DACT1: variants seen among roughly 807,000 people sequenced by gnomAD.
DACT1 encodes dapper homolog 1.
DACT1 carries 19 observed loss-of-function variants against 35.3 expected under a neutral mutation model. The ratio of observed to expected loss-of-function variants is 0.54; its 90% CI spans 0.38 to 0.79. The LOEUF (loss-of-function observed/expected upper bound fraction) is 0.79. Ranked by LOEUF, DACT1 falls within the 30% of genes least tolerant of loss-of-function variation. The probability of loss-of-function intolerance (pLI) is 0.00; values close to 1 mark genes in which losing one functional copy is unlikely to be tolerated. For missense variants in DACT1, 1,143 were observed against 1,057.5 expected (o/e 1.08, Z -1.12); for synonymous variants, 545 against 466.7 (o/e 1.17, Z -2.16).
upstream of DACT1, among the ~76,000 whole-genome samples, chr14:58,636,342 G>C (rs2047572354): frequency 6.6e-6 from 1 of 152,208 alleles, no homozygotes; most frequent in Admixed American, 6.5e-5. Context: ...ACATTCTCGA[G>C]TCTCTCTCTA....
chr14:58,642,553 G>T (rs1251801249), intron 3 of DACT1, among the ~76,000 whole-genome samples: 2 of 151,640 alleles, frequency 1.3e-5, no homozygotes, highest in African/African-American at 4.8e-5. Context: ...AATCGGCCGG[G>T]TGTGGCAGCA....
chr14:58,639,127 C>T (rs2047604365), intron 1 of DACT1: 1 of 985,192 alleles, frequency 1.0e-6, no homozygotes, highest in Admixed American at 6.2e-5. Flanking sequence ...AAATAGAAGC[C>T]CTTTGTATAA....
rs764739318 is a variant in DACT1, at chr14:58,646,738, C to T, written c.2004C>T (p.Tyr668=). 1.2e-6 allele frequency: 2 copies of T among 1,613,830 alleles called. No homozygotes were observed. The highest frequency in any genetic ancestry group is 1.7e-5 in the Admixed American group (1 of 60,018). Residue 668 remains tyrosine, a synonymous_variant, in exon 4 of 4, where the codon TAC becomes TAT. Coordinates refer to ENST00000395153, the MANE Select transcript of DACT1 (RefSeq NM_001079520.2). The stretch of plus-strand genomic sequence containing the variant: ...GTCGCCGGGAGAATGTGGGGCTGTA[C>T]CCCGCGCCTGTGCCTCTGCCCTACG... ...RRGRRENVGL[Y]PAPVPLPYAS...
At position 58,647,107 on chromosome 14, in the gene DACT1, C is replaced by G; in HGVS notation, c.2373C>G (p.Gly791=). 1 of 1,614,106 alleles carries G rather than the reference C, an allele frequency of 6.2e-7. No homozygotes were observed. The highest frequency in any genetic ancestry group is 8.5e-7 in the Non-Finnish European group (1 of 1,180,034). The stretch of plus-strand genomic sequence containing the variant: ...AGAAGATCCTCCGCTTTCGGTCTGG[C>G]TCTTTGAAACTGATGACGACGGTTT... ...LKKKILRFRS[G]SLKLMTTV The change falls in exon 4 of 4, where the codon GGC becomes GGG. Residue 791 remains glycine, a synonymous_variant. Coordinates refer to ENST00000395153, the MANE Select transcript of DACT1 (RefSeq NM_001079520.2).
chr14:58,647,934 A>G lies in DACT1; in HGVS notation c.*800A>G, dbSNP rs767661965. The G allele has an allele frequency of 6.0e-6, 1 of 167,098 alleles. No individual in the cohort carries two copies. Among genetic ancestry groups the G allele is most frequent in the East Asian group, 1.9e-4 (1 of 5,198 alleles). 10.4% of individuals were successfully genotyped at this position (167,098 alleles called of 1,614,324 possible). On this transcript the variant is annotated 3_prime_UTR_variant, in exon 4 of 4. Coordinates refer to ENST00000395153, the MANE Select transcript of DACT1 (RefSeq NM_001079520.2). ...GTCCTTGGGCACAGAGACATTCACT[A>G]TTAATGAAGTAACCCTTGGGCATGA...
rs1161916998 is a variant in DACT1, at chr14:58,646,536, C to G, written c.1802C>G (p.Pro601Arg). ...SSKGRKSGGG[P>R]EAGVPGRPAG... ...AAGGGGAGGAAGAGTGGGGGCGGGC[C>G]CGAGGCTGGTGTTCCCGGCAGGCCC... The change falls in exon 4 of 4, where the codon CCC (proline) becomes CGC (arginine). Residue 601 changes from proline to arginine, a missense_variant. Pro to Arg is a moderately radical substitution (Grantham distance 103). This residue lies in a region of DACT1 where 1,054 missense variants were observed against 958.8 expected (regional missense o/e 1.10). Transcript: ENST00000395153. 2 of 1,556,216 alleles carry G rather than the reference C, an allele frequency of 1.3e-6. No individual in the cohort carries two copies. The highest frequency in any genetic ancestry group is 1.7e-6 in the Non-Finnish European group (2 of 1,153,672).
At chr14:58,640,158 GC>G (rs2047613648) in intron 1 of DACT1, among the ~76,000 whole-genome samples, 1 of 152,158 alleles carries the variant, frequency 6.6e-6, no homozygotes, top group South Asian at 2.1e-4. Context: ...ATCTCGATGG[GC>G]CTTCCCATGA....
At position 58,647,352 on chromosome 14, in the gene DACT1, G is replaced by A; in HGVS notation, c.*218G>A. On this transcript the variant is annotated 3_prime_UTR_variant, in exon 4 of 4. Coordinates refer to ENST00000395153, the MANE Select transcript of DACT1 (RefSeq NM_001079520.2). ...TTTGCTAGTTAGAAGTACATATTGA[G>A]GTTTTAATGGTGGTGATAGTGAGTT... 1 of 577,250 alleles carries A rather than the reference G, an allele frequency of 1.7e-6. No homozygotes were observed. The highest frequency in any genetic ancestry group is 2.4e-5 in the South Asian group (1 of 40,830). 35.8% of individuals were successfully genotyped at this position (577,250 alleles called of 1,614,324 possible). A position where few individuals can be genotyped will look rare whatever the true frequency, so the allele number is the denominator to read the frequency against.
In DACT1 at chr14:58,646,543, T is replaced by C. The variant is rs2047686541; in HGVS notation, c.1809T>C (p.Ala603=). The C allele has an allele frequency of 1.7e-5, 26 of 1,555,588 alleles. No individual in the cohort carries two copies. Among genetic ancestry groups the C allele is most frequent in the Non-Finnish European group, 2.3e-5 (26 of 1,153,176 alleles). The part of the protein sequence containing the change: ...KGRKSGGGPE[A]GVPGRPAGGG... ...GGAAGAGTGGGGGCGGGCCCGAGGC[T>C]GGTGTTCCCGGCAGGCCCGCGGGCG... Residue 603 remains alanine, a synonymous_variant, in exon 4 of 4, where the codon GCT becomes GCC. Coordinates refer to ENST00000395153, the MANE Select transcript of DACT1 (RefSeq NM_001079520.2).
chr14:58,636,357 T>C (rs1026108642), upstream of DACT1, among the ~76,000 whole-genome samples: 4 of 152,188 alleles, frequency 2.6e-5, no homozygotes, highest in Non-Finnish European at 5.9e-5. Context: ...TCTCTAGCAA[T>C]TGTCAGGTGA....
intron 1 of DACT1, among the ~76,000 whole-genome samples, chr14:58,640,382 T>A (rs1243296866): frequency 6.6e-6 from 1 of 152,220 alleles, no homozygotes; most frequent in Non-Finnish European, 1.5e-5. Context: ...AAGAGTCTAC[T>A]GTGAAGTATT....
upstream of DACT1, among the ~76,000 whole-genome samples, chr14:58,637,233 G>A (rs1018810410): frequency 1.3e-5 from 2 of 152,234 alleles, no homozygotes; most frequent in African/African-American, 4.8e-5. Context: ...AAACCAAAGC[G>A]CGCACGCGCG....
In DACT1 at chr14:58,638,445, C is replaced by T. The variant is rs757357488; in HGVS notation, c.243C>T (p.Ala81=). The change falls in exon 1 of 4, where the codon GCC becomes GCT. Residue 81 remains alanine (A), a synonymous_variant. Transcript: ENST00000395153. The part of the protein sequence containing the change: ...GALRGAGGAG[A]AAPRAGELLG... ...TGCGCGGCGCCGGGGGTGCGGGAGC[C>T]GCTGCGCCCCGCGCTGGGGAGCTAC... 7.5e-7 allele frequency: 1 copy of T among 1,342,210 alleles called. No individual in the cohort carries two copies. The highest frequency in any genetic ancestry group is 2.8e-5 in the East Asian group (1 of 35,196). 83.1% of individuals were successfully genotyped at this position (1,342,210 alleles called of 1,614,324 possible).
At chr14:58,638,578 G>GT (rs1441577394) in intron 1 of DACT1, 31 bp downstream of exon 1, 3 of 1,317,108 alleles carry the variant, frequency 2.3e-6, no homozygotes, top group African/African-American at 1.5e-5. Context: ...GAGCACGGCT[G>GT]TTCCTGCCCA....
chr14:58,634,179 C>A (rs953155504), upstream of DACT1: 2 of 152,188 alleles, frequency 1.3e-5, no homozygotes, highest in African/African-American at 4.8e-5. Flanking sequence ...TAAAACACAG[C>A]TAAAAGGTAA....
rs1425876278 is a variant in DACT1, at chr14:58,646,426, C to T, written c.1692C>T (p.Val564=). The part of the protein sequence containing the change: ...LQGLENGLPT[V]REKTRAGSKK... ...GGCTGGAGAACGGCTTGCCCACCGT[C>T]AGGGAGAAAACGCGGGCCGGGAGCA... The change falls in exon 4 of 4, where the codon GTC becomes GTT. Residue 564 remains valine (V), a synonymous_variant. Transcript: ENST00000395153. 5 of 1,597,316 alleles carry T rather than the reference C, an allele frequency of 3.1e-6. No homozygotes were observed. In the South Asian group the frequency reaches 5.6e-5, roughly 18 times the overall value.
rs1327324677 is a variant in DACT1, at chr14:58,646,663, G to T, written c.1929G>T (p.Lys643Asn). The change falls in exon 4 of 4, where the codon AAG becomes AAT. Residue 643 changes from lysine (K) to asparagine (N), a missense_variant. Transcript: ENST00000395153. ...KHKRTDYRRW[K>N]SSAEISYEEA... is the part of the protein sequence containing the mutation. ...AGCGAACTGACTACCGGCGGTGGAAGTCCTCGGCCGAGATTTCCTACGAAG... is the reference window on the plus strand; with the variant it reads ...AGCGAACTGACTACCGGCGGTGGAATTCCTCGGCCGAGATTTCCTACGAAG... 1 of 1,612,076 alleles carries T rather than the reference G, an allele frequency of 6.2e-7. No homozygotes were observed. The highest frequency in any genetic ancestry group is 1.3e-5 in the African/African-American group (1 of 74,924).
In DACT1 at chr14:58,640,990, CAAAA is replaced by C. The variant is rs902089277; in HGVS notation, c.478+125_478+128del. 1.7e-5 allele frequency: 19 copies of C among 1,088,788 alleles called. No individual in the cohort carries two copies. In the African/African-American group the frequency reaches 2.3e-4, roughly 13 times the overall value. 67.4% of individuals were successfully genotyped at this position (1,088,788 alleles called of 1,614,324 possible). A position where few individuals can be genotyped will look rare whatever the true frequency, so the allele number is the denominator to read the frequency against. ...TTGTTTCCAGTGCAGAGAGGATAAACAAAAAAGAAGTCTGCCATTCAGTTTTATC... is the reference window on the plus strand; with the variant it reads ...TTGTTTCCAGTGCAGAGAGGATAAACAAGAAGTCTGCCATTCAGTTTTATC... On this transcript the variant is annotated intron_variant, in intron 2 of 3. Transcript: ENST00000395153.
intron 3 of DACT1, among the ~76,000 whole-genome samples, chr14:58,644,945 A>G (rs2047658885): frequency 6.6e-6 from 1 of 152,222 alleles, no homozygotes; most frequent in South Asian, 2.1e-4. Flanking sequence ...ATAAGATTAT[A>G]ATCATATTCT....
Sources: allele counts gnomAD v4.1 joint callset (sites outside exome capture counted in the v4.1 genomes callset), GRCh38; gene constraint gnomAD v4.1.1; regional missense constraint gnomAD v4.1.1; transcripts MANE v1.5; gene names NCBI Gene and HGNC (gene_info 2026-07-23, HGNC 2026-07-21).